Variants in ERC2 observed in about 807,000 individuals in gnomAD.
ERC2 encodes ELKS/RAB6-interacting/CAST family member 2.
ERC2 carries 42 observed loss-of-function variants against 114.8 expected under a neutral mutation model. That is an observed-to-expected ratio of 0.37 (90% CI 0.29 to 0.47). ERC2 has a LOEUF of 0.47. Ranked by LOEUF, ERC2 falls within the 20% of genes least tolerant of loss-of-function variation. The pLI is 0.99. For synonymous variants in ERC2, 454 were observed against 425.5 expected (o/e 1.07, Z -0.82); for missense variants, 939 against 1,150.7 (o/e 0.82, Z 2.66).
At chr3:55,548,811 G>A (rs547813188) in intron 17 of ERC2, among the ~76,000 whole-genome samples, 9 of 152,172 alleles carry the variant, frequency 5.9e-5, no homozygotes, top group Non-Finnish European at 1.3e-4. Context: ...AAGGCATGGT[G>A]GCAGGCAAAC....
chr3:55,539,901 T>C (rs758400216), intron 17 of ERC2, among the ~76,000 whole-genome samples: 5 of 151,366 alleles, frequency 3.3e-5, no homozygotes, highest in South Asian at 2.1e-4. Flanking sequence ...TTGTAAATAA[T>C]ACTAATTTAA....
chr3:56,119,467 C>A (rs1203956251), intron 6 of ERC2, among the ~76,000 whole-genome samples: 1 of 152,236 alleles, frequency 6.6e-6, no homozygotes, highest in Non-Finnish European at 1.5e-5. Flanking sequence ...CCCTTCTTCC[C>A]TGGTTTACTC....
In ERC2 at chr3:55,992,275, T is replaced by G. The variant is rs755415711; in HGVS notation, c.2062-25A>C. 3 of 1,596,126 alleles carry G rather than the reference T, an allele frequency of 1.9e-6. No homozygotes were observed. The Admixed American group carries it at 5.1e-5, about 27-fold the overall frequency. ...CCTTCAACATTACATTTTTAAAGAA[T>G]GTAGTTAAGACAACAATTTAGAACA... On this transcript the variant is annotated intron_variant, in intron 10 of 17. Transcript: ENST00000288221.
At chr3:55,632,259 G>T (rs1275833812) in intron 17 of ERC2, among the ~76,000 whole-genome samples, 3 of 152,206 alleles carry the variant, frequency 2.0e-5, no homozygotes, top group African/African-American at 7.2e-5. Flanking sequence ...CTGCCAAGTG[G>T]CAATTAACAC....
intron 2 of ERC2, among the ~76,000 whole-genome samples, chr3:56,360,059 A>ATC (rs1206559192): frequency 8.9e-5 from 10 of 112,834 alleles, no homozygotes; most frequent in Admixed American, 5.9e-4. Flanking sequence ...AGTAACAAAA[A>ATC]TCTTTTTTTT....
intron 3 of ERC2, among the ~76,000 whole-genome samples, chr3:56,207,915 C>T (rs575098502): frequency 9.2e-5 from 14 of 152,280 alleles, no homozygotes; most frequent in African/African-American, 3.4e-4. Flanking sequence ...ATTCCCCAAT[C>T]ACCATAAGCT....
At chr3:56,270,470 G>A (rs2053587344) in intron 3 of ERC2, among the ~76,000 whole-genome samples, 1 of 152,250 alleles carries the variant, frequency 6.6e-6, no homozygotes, top group Non-Finnish European at 1.5e-5. Context: ...GTGGGGCCAT[G>A]TGAGGGATGA....
intron 13 of ERC2, among the ~76,000 whole-genome samples, chr3:55,905,911 A>G (rs2064405952): frequency 1.3e-5 from 2 of 151,984 alleles, no homozygotes. Flanking sequence ...CCTGCCTCCC[A>G]CCTGTCCCTG....
intron 6 of ERC2, among the ~76,000 whole-genome samples, chr3:56,115,993 C>T (rs1389485936): frequency 1.3e-5 from 2 of 152,158 alleles, no homozygotes; most frequent in Non-Finnish European, 2.9e-5. Context: ...TAATTCTAAA[C>T]CCTGCCCCAT....
chr3:55,858,209 G>A (rs1173621145), intron 14 of ERC2, among the ~76,000 whole-genome samples: 1 of 152,104 alleles, frequency 6.6e-6, no homozygotes, highest in Non-Finnish European at 1.5e-5. Flanking sequence ...TTATTAGTTT[G>A]AACTAATATG....
intron 6 of ERC2, among the ~76,000 whole-genome samples, chr3:56,135,398 T>C (rs905209573): frequency 2.0e-5 from 3 of 152,082 alleles, no homozygotes; most frequent in Non-Finnish European, 2.9e-5. Context: ...ATACCAAAAA[T>C]TCAAAAGAGA....
chr3:55,869,775 A>G (rs1387760885), intron 14 of ERC2, among the ~76,000 whole-genome samples: 1 of 152,118 alleles, frequency 6.6e-6, no homozygotes, highest in East Asian at 1.9e-4. Flanking sequence ...CAGATGCAGC[A>G]CCCTCCCAGA....
intron 5 of ERC2, among the ~76,000 whole-genome samples, chr3:56,145,806 T>G (rs973272055): frequency 1.3e-5 from 2 of 152,164 alleles, no homozygotes; most frequent in African/African-American, 4.8e-5. Flanking sequence ...GACACTTAAT[T>G]TAATCAAAGA....
chr3:55,846,645 TAA>T (rs2061373300), intron 14 of ERC2, among the ~76,000 whole-genome samples: 4 of 152,024 alleles, frequency 2.6e-5, no homozygotes, highest in Admixed American at 6.6e-5. Flanking sequence ...TTCTCTGATA[TAA>T]GTGTTATTTC....
intron 7 of ERC2, among the ~76,000 whole-genome samples, chr3:56,033,646 A>G (rs962011993): frequency 9.2e-5 from 14 of 152,186 alleles, no homozygotes; most frequent in Non-Finnish European, 1.3e-4. Context: ...TTTGCCAAGT[A>G]TAGTATTCTT....
chr3:56,059,866 C>A (rs1413759756), intron 7 of ERC2, among the ~76,000 whole-genome samples: 1 of 152,158 alleles, frequency 6.6e-6, no homozygotes, highest in Non-Finnish European at 1.5e-5. Flanking sequence ...TACAAACATG[C>A]AGATTCTGAG....
chr3:56,061,422 G>C (rs1046287567), intron 7 of ERC2, among the ~76,000 whole-genome samples: 2 of 152,270 alleles, frequency 1.3e-5, no homozygotes, highest in African/African-American at 4.8e-5. Flanking sequence ...CTGCAATTGG[G>C]AGACTTATCT....
chr3:55,748,882 T>A (rs185778586), intron 14 of ERC2, among the ~76,000 whole-genome samples: 1 of 152,334 alleles, frequency 6.6e-6, no homozygotes, highest in East Asian at 1.9e-4. Flanking sequence ...CAATTGAATA[T>A]CAGAAATTTT....
intron 3 of ERC2, among the ~76,000 whole-genome samples, chr3:56,227,144 C>G (rs1488401578): frequency 1.3e-5 from 2 of 152,108 alleles, no homozygotes; most frequent in Admixed American, 1.3e-4. Flanking sequence ...CCCTCACATC[C>G]TTTCCTCCTC....
Sources: allele counts gnomAD v4.1 joint callset (sites outside exome capture counted in the v4.1 genomes callset), GRCh38; gene constraint gnomAD v4.1.1; transcripts MANE v1.5; gene names NCBI Gene and HGNC (gene_info 2026-07-23, HGNC 2026-07-21).